The following TMPRSS11A variants were observed in gnomAD, a reference collection of about 807,000 sequenced individuals.
TMPRSS11A encodes the protein transmembrane serine protease 11A, also known as transmembrane protease serine 11A.
In TMPRSS11A, 53 loss-of-function variants were observed where a neutral mutation model predicts 58.9. The observed-to-expected ratio is 0.90, with a 90% CI of 0.72 to 1.13. The LOEUF (loss-of-function observed/expected upper bound fraction) is 1.13. TMPRSS11A is among the 50% of genes most tolerant of loss of function. The pLI is 0.00. For synonymous variants in TMPRSS11A, 167 were observed against 169.8 expected (o/e 0.98, Z 0.13); for missense variants, 493 against 499.3 (o/e 0.99, Z 0.12).
At chr4:67,912,997 TTTG>T (rs1261221760) in intron 9 of TMPRSS11A, among the ~76,000 whole-genome samples, 1 of 152,212 alleles carries the variant, frequency 6.6e-6, no homozygotes, top group Non-Finnish European at 1.5e-5. Context: ...CTGTGTCTTT[TTTG>T]TTGTTGTTGT....
intron 3 of TMPRSS11A, among the ~76,000 whole-genome samples, chr4:67,934,601 C>A (rs1720706189): frequency 6.6e-6 from 1 of 152,074 alleles, no homozygotes; most frequent in African/African-American, 2.4e-5. Context: ...TAGCATTGAA[C>A]AAAAGACCCT....
chr4:67,956,419 CT>C (rs1721290238), intron 1 of TMPRSS11A, among the ~76,000 whole-genome samples: 1 of 152,152 alleles, frequency 6.6e-6, no homozygotes, highest in Admixed American at 6.6e-5. Context: ...GCTTATATTA[CT>C]TTCATATCTC....
chr4:67,936,091 G>A (rs1720745651), intron 3 of TMPRSS11A, among the ~76,000 whole-genome samples: 1 of 152,126 alleles, frequency 6.6e-6, no homozygotes. Context: ...CCAGGGCCAT[G>A]TAGCTTCAGA....
chr4:67,942,947 G>T (rs980872250), intron 3 of TMPRSS11A, among the ~76,000 whole-genome samples: 1 of 152,126 alleles, frequency 6.6e-6, no homozygotes, highest in African/African-American at 2.4e-5. Context: ...TAAGTTAAAA[G>T]CAAGTGTACG....
intron 7 of TMPRSS11A, 42 bp downstream of exon 7, chr4:67,922,713 T>C (rs771212013): frequency 6.4e-6 from 10 of 1,570,276 alleles, no homozygotes; most frequent in East Asian, 2.3e-5. Context: ...AACTCAGGGC[T>C]TTTTAGCAGA....
chr4:67,961,016 T>A (rs1721409639), intron 1 of TMPRSS11A, among the ~76,000 whole-genome samples: 2 of 152,050 alleles, frequency 1.3e-5, no homozygotes, highest in African/African-American at 4.8e-5. Flanking sequence ...TTAACAAAAG[T>A]GTAGGAAAAA....
chr4:67,961,488 T>C (rs1447197448), intron 1 of TMPRSS11A, among the ~76,000 whole-genome samples: 252 of 764 alleles, frequency 0.33, 15 homozygotes, highest in African/African-American at 0.4. Context: ...TTTTCCTTTT[T>C]TTTTTTTTTT....
chr4:67,924,974 T>A lies in TMPRSS11A; in HGVS notation c.482-808A>T, dbSNP rs1381478361. Among the ~76,000 whole-genome samples the A allele has an allele frequency of 2.3e-4, 3 of 12,974 alleles. No homozygotes were observed. The East Asian group carries it at 0.019, about 81-fold the overall frequency. The allele number at this position is 12,974 out of a possible 152,430, so 8.5% of individuals were successfully genotyped here. On this transcript the variant is annotated intron_variant, in intron 5 of 9. Transcript: ENST00000508048. Reference sequence around the variant, plus strand: ...ATTTACTTCGAATTTCACATAAATCTTTTTTTTTTTTTTTTTGGTTAAAGG... The same window carrying A: ...ATTTACTTCGAATTTCACATAAATCATTTTTTTTTTTTTTTTGGTTAAAGG...
intron 1 of TMPRSS11A, among the ~76,000 whole-genome samples, chr4:67,960,399 T>C (rs1721395414): frequency 6.6e-6 from 1 of 152,202 alleles, no homozygotes; most frequent in African/African-American, 2.4e-5. Context: ...CTGGCTCTAT[T>C]TTTCAGGTTG....
chr4:67,919,684 T>C (rs551184549), intron 7 of TMPRSS11A, among the ~76,000 whole-genome samples: 1 of 152,166 alleles, frequency 6.6e-6, no homozygotes, highest in South Asian at 2.1e-4. Flanking sequence ...CAAAATAAAA[T>C]AGGGTAACGG....
Position 67,922,842 on chromosome 4 carries a change from G to T in TMPRSS11A, c.605C>A (p.Ala202Asp), listed in dbSNP as rs1427666863. The T allele has an allele frequency of 6.2e-7, 1 of 1,614,160 alleles. No individual in the cohort carries two copies. The highest frequency in any genetic ancestry group is 2.2e-5 in the East Asian group (1 of 44,884). Residue 202 changes from alanine to aspartate, a missense_variant, in exon 7 of 10, where the codon GCT (alanine) becomes GAT (aspartate). By Grantham distance (126) the Ala-to-Asp change is moderately radical. Coordinates refer to ENST00000508048, the MANE Select transcript of TMPRSS11A (RefSeq NM_001114387.2). ...IAPKAAWPWQASLQYDNIHQC... is the reference protein window; with the variant it reads ...IAPKAAWPWQDSLQYDNIHQC... ...ATGGATGTTATCATACTGAAGGGAAGCTTGCCAAGGCCAGGCCGCCTTGGG... is the reference window on the plus strand; with the variant it reads ...ATGGATGTTATCATACTGAAGGGAATCTTGCCAAGGCCAGGCCGCCTTGGG...
rs1291213843 is a variant in TMPRSS11A, at chr4:67,944,576, A to G, written c.195T>C (p.Asn65=). The change falls in exon 3 of 10, where the codon AAT becomes AAC. Residue 65 remains asparagine (N), a synonymous_variant. Coordinates refer to ENST00000508048, the MANE Select transcript of TMPRSS11A (RefSeq NM_001114387.2). ...FKILDPQINN[N]FGQSNTYQLK... is the part of the protein sequence containing the mutation. ...GTTGATATGTGTTGCTTTGTCCGAA[A>G]TTGTTATTGATTTGTGGATCTAAAA... is the stretch of plus-strand genomic sequence containing the variant. 2.5e-6 allele frequency: 4 copies of G among 1,613,014 alleles called. No individual in the cohort carries two copies. In the African/African-American group the frequency reaches 4.0e-5, roughly 16 times the overall value.
At chr4:67,936,334 GTT>G (rs33950733) in intron 3 of TMPRSS11A, among the ~76,000 whole-genome samples, 3 of 142,872 alleles carry the variant, frequency 2.1e-5, no homozygotes, top group Non-Finnish European at 3.0e-5. Context: ...AACTCTAGGT[GTT>G]TTTTTTTTTT....
Position 67,919,231 on chromosome 4 carries a change from AC to A in TMPRSS11A, c.693del (p.Lys231AsnfsTer20). On this transcript the variant is annotated frameshift_variant and splice_region_variant, in exon 8 of 10. Transcript: ENST00000508048. LOFTEE classifies it high-confidence loss of function. ...ACAGTCCATTGATGTGGATTTTTAT[AC>A]CTGGAAAAGGTTAGAAATTAACAGA... Reference protein sequence around the residue: ...WLVTAAHCFQKYKNPHQWTVS... With the variant: ...WLVTAAHCFQXYKNPHQWTVS... 1 of 1,613,500 alleles carries A rather than the reference AC, an allele frequency of 6.2e-7. No individual in the cohort carries two copies. Among genetic ancestry groups the A allele is most frequent in the South Asian group, 1.1e-5 (1 of 91,066 alleles).
chr4:67,940,922 T>G (rs1372532804), intron 3 of TMPRSS11A, among the ~76,000 whole-genome samples: 1 of 152,226 alleles, frequency 6.6e-6, no homozygotes, highest in Non-Finnish European at 1.5e-5. Context: ...TCCTGGCTTA[T>G]CCTTCCCTCC....
In TMPRSS11A at chr4:67,932,053, T is replaced by G; in HGVS notation, c.260A>C (p.Glu87Ala). The change falls in exon 4 of 10, where the codon GAG (glutamate) becomes GCG (alanine). Residue 87 changes from glutamate (E) to alanine (A), a missense_variant. Glu to Ala is a moderately radical substitution (Grantham distance 107, BLOSUM62 -1). Coordinates refer to ENST00000508048, the MANE Select transcript of TMPRSS11A (RefSeq NM_001114387.2). The stretch of plus-strand genomic sequence containing the variant: ...CTTCCAGGCTGAATCTATAAATATC[T>G]CATCCACCTGTTACACAACAAGAGA... ...LRETTENLVD[E>A]IFIDSAWKKN... 1.3e-6 allele frequency: 2 copies of G among 1,563,434 alleles called. No individual in the cohort carries two copies. Among genetic ancestry groups the G allele is most frequent in the Non-Finnish European group, 1.8e-6 (2 of 1,134,390 alleles).
At chr4:67,963,352 C>T (rs1262936006) in intron 1 of TMPRSS11A, 31 bp downstream of exon 1, 4 of 1,613,002 alleles carry the variant, frequency 2.5e-6, no homozygotes, top group Non-Finnish European at 3.4e-6. Context: ...GTACATCAAA[C>T]AAGCCATCTA....
At position 67,910,580 on chromosome 4, in the gene TMPRSS11A, C is replaced by T. The variant is rs949735682; in HGVS notation, c.*762G>A. 6.6e-6 allele frequency: 1 copy of T among 151,996 alleles called. No homozygotes were observed. The highest frequency in any genetic ancestry group is 2.4e-5 in the African/African-American group (1 of 41,388). The allele number at this position is 151,996 out of a possible 1,614,324, so 9.4% of individuals were successfully genotyped here. On this transcript the variant is annotated 3_prime_UTR_variant, in exon 10 of 10. Coordinates refer to ENST00000508048, the MANE Select transcript of TMPRSS11A (RefSeq NM_001114387.2). ...TTTGGGACTAATGAAATTACCATCA[C>T]CTTCTCCCAAATTTTTAACAAATAT...
At chr4:67,960,430 A>G (rs764094518) in intron 1 of TMPRSS11A, among the ~76,000 whole-genome samples, 24 of 152,150 alleles carry the variant, frequency 1.6e-4, no homozygotes, top group Non-Finnish European at 3.4e-4. Flanking sequence ...TCCTTCACTT[A>G]CTAGCTTGTG....
Sources: allele counts gnomAD v4.1 joint callset (sites outside exome capture counted in the v4.1 genomes callset), GRCh38; gene constraint gnomAD v4.1.1; transcripts MANE v1.5; gene names NCBI Gene and HGNC (gene_info 2026-07-23, HGNC 2026-07-21).